Variants in NCALD observed in about 807,000 individuals in gnomAD.
NCALD encodes neurocalcin delta, also known as neurocalcin-delta.
Under a neutral mutation model 18.6 loss-of-function variants are expected in NCALD, and 10 were observed. That is an observed-to-expected ratio of 0.54 (90% CI 0.33 to 0.91). The LOEUF (loss-of-function observed/expected upper bound fraction) is 0.91. Among genes scored for constraint, NCALD ranks in the 40% least tolerant of loss-of-function variants. NCALD has a pLI of 0.03. For synonymous variants in NCALD, 88 were observed against 87.4 expected (o/e 1.01, Z -0.04); for missense variants, 184 against 247.6 (o/e 0.74, Z 1.72).
intron 2 of NCALD, chr8:102,020,171 T>C (rs1389831289): frequency 6.6e-6 from 1 of 152,168 alleles, no homozygotes; most frequent in Non-Finnish European, 1.5e-5. Flanking sequence ...GGCTTATGTA[T>C]GTCTTAGGGA....
rs1815199078 is a variant in NCALD, at chr8:101,700,257, T to C, written c.379-7361A>G. 2.6e-5 allele frequency among the ~76,000 whole-genome samples: 4 copies of C among 151,964 alleles called. 1 individual carries two copies. In the South Asian group the frequency reaches 8.3e-4, roughly 32 times the overall value. On this transcript the variant is annotated intron_variant, in intron 2 of 3. Coordinates refer to ENST00000220931, the MANE Select transcript of NCALD (RefSeq NM_032041.3). Reference sequence around the variant, plus strand: ...TTAAAAAATATTTGTAGAGATGGGGTTTCTCTATGTTGCCCAAGCTGGTCT... The same window carrying C: ...TTAAAAAATATTTGTAGAGATGGGGCTTCTCTATGTTGCCCAAGCTGGTCT...
At chr8:102,093,994 G>A (rs900001193) in intron 1 of NCALD, among the ~76,000 whole-genome samples, 2 of 152,030 alleles carry the variant, frequency 1.3e-5, no homozygotes, top group Non-Finnish European at 2.9e-5. Context: ...CATCCCTAAG[G>A]CAATTATTTA....
At chr8:101,724,561 G>C (rs1224052272) in intron 1 of NCALD, among the ~76,000 whole-genome samples, 1 of 152,184 alleles carries the variant, frequency 6.6e-6, no homozygotes, top group East Asian at 1.9e-4. Context: ...TTCCATGTGA[G>C]AGTTAAATGA....
At chr8:102,032,932 C>T (rs147749034) in intron 1 of NCALD, among the ~76,000 whole-genome samples, 107 of 152,240 alleles carry the variant, frequency 7.0e-4, no homozygotes, top group Non-Finnish European at 1.1e-3. Context: ...GTTCACCCTG[C>T]GAACAGCAGG....
intron 1 of NCALD, among the ~76,000 whole-genome samples, chr8:102,118,993 ACCAC>A (rs995150016): frequency 6.6e-6 from 1 of 152,224 alleles, no homozygotes; most frequent in African/African-American, 2.4e-5. Flanking sequence ...GTTAAATGGT[ACCAC>A]CGTGGAAAAC....
At chr8:101,969,147 A>G (rs991762929) in intron 2 of NCALD, among the ~76,000 whole-genome samples, 1 of 152,220 alleles carries the variant, frequency 6.6e-6, no homozygotes, top group African/African-American at 2.4e-5. Flanking sequence ...CTGGTGACAT[A>G]CAGAACCATT....
At chr8:102,046,780 A>C (rs1039603393) in intron 1 of NCALD, among the ~76,000 whole-genome samples, 1 of 150,270 alleles carries the variant, frequency 6.7e-6, no homozygotes, top group Non-Finnish European at 1.5e-5. Context: ...TGCCTGGCTC[A>C]CAATGAGTTT....
chr8:102,085,139 T>C (rs921386953), intron 1 of NCALD, among the ~76,000 whole-genome samples: 3 of 152,136 alleles, frequency 2.0e-5, no homozygotes, highest in Non-Finnish European at 4.4e-5. Flanking sequence ...TAACTTGGGG[T>C]GTCTCAACCT....
At chr8:101,778,345 T>C (rs1811878119) in intron 1 of NCALD, among the ~76,000 whole-genome samples, 1 of 152,140 alleles carries the variant, frequency 6.6e-6, no homozygotes, top group Non-Finnish European at 1.5e-5. Context: ...CCTTCATTTA[T>C]AAATATGATT....
intron 3 of NCALD, among the ~76,000 whole-genome samples, chr8:101,900,270 G>C (rs1008987295): frequency 6.6e-6 from 1 of 151,584 alleles, no homozygotes; most frequent in Non-Finnish European, 1.5e-5. Flanking sequence ...TGTTGCTGAA[G>C]GTTTATCAAT....
At position 101,912,152 on chromosome 8, in the gene NCALD, T is replaced by C. The variant is rs572472196; in HGVS notation, c.-107+3657A>G. On this transcript the variant is annotated intron_variant, in intron 3 of 6. Coordinates refer to the NCALD transcript ENST00000311028. ...TTAGTGAAAATAAATATTGAATACA[T>C]TTAAAATATAAAATTTACAAACATC... Among the ~76,000 whole-genome samples, 5 of 152,064 alleles carry C rather than the reference T, an allele frequency of 3.3e-5. No individual in the cohort carries two copies. In the South Asian group the frequency reaches 8.3e-4, roughly 25 times the overall value.
chr8:101,829,974 GTT>G (rs35295834), intron 4 of NCALD, among the ~76,000 whole-genome samples: 47 of 116,142 alleles, frequency 4.0e-4, no homozygotes, highest in African/African-American at 9.9e-4. Context: ...AGTCACATGG[GTT>G]TTTTTTTTTT....
chr8:101,721,675 A>T (rs189469002), intron 1 of NCALD, among the ~76,000 whole-genome samples: 50 of 152,174 alleles, frequency 3.3e-4, no homozygotes, highest in Non-Finnish European at 1.5e-4. Flanking sequence ...GGTTCAGATA[A>T]TGACCAGCAA....
chr8:101,914,667 CT>C (rs1563891949), intron 3 of NCALD, among the ~76,000 whole-genome samples: 1 of 152,116 alleles, frequency 6.6e-6, no homozygotes, highest in African/African-American at 2.4e-5. Context: ...TTCTAACTTC[CT>C]TTCTTTGCTC....
In NCALD at chr8:101,983,654, T is replaced by C. The variant is rs369334963; in HGVS notation, c.-157+36583A>G. On this transcript the variant is annotated intron_variant, in intron 2 of 6. Transcript: ENST00000311028. ...GCTCCTTCAAATCCACTCCCTACCC[T>C]TCTCCACACTGCTCTGTACCCCAGA... is the stretch of plus-strand genomic sequence containing the variant. Among the ~76,000 whole-genome samples the C allele has an allele frequency of 3.3e-5, 5 of 152,332 alleles. No homozygotes were observed. The East Asian group carries it at 7.7e-4, about 23-fold the overall frequency.
chr8:101,800,292 C>T (rs1812790908), intron 4 of NCALD, among the ~76,000 whole-genome samples: 1 of 152,106 alleles, frequency 6.6e-6, no homozygotes, highest in Admixed American at 6.6e-5. Context: ...TGTCCTAGGA[C>T]TCTTGCATTC....
chr8:101,700,217 C>T (rs1006381761), intron 2 of NCALD, among the ~76,000 whole-genome samples: 5 of 151,962 alleles, frequency 3.3e-5, no homozygotes, highest in Non-Finnish European at 5.9e-5. Flanking sequence ...TGCACCACCA[C>T]GCCCAGTTAA....
intron 4 of NCALD, among the ~76,000 whole-genome samples, chr8:101,798,792 C>T (rs970529481): frequency 6.6e-6 from 1 of 152,188 alleles, no homozygotes; most frequent in Non-Finnish European, 1.5e-5. Flanking sequence ...CTGTGGGATA[C>T]TGGCATAGGG....
At chr8:101,931,920 A>G (rs1195473824) in intron 2 of NCALD, among the ~76,000 whole-genome samples, 1 of 152,008 alleles carries the variant, frequency 6.6e-6, no homozygotes, top group Non-Finnish European at 1.5e-5. Flanking sequence ...TTAGGAGCCC[A>G]TATCTGTCTT....
Sources: allele counts gnomAD v4.1 joint callset (sites outside exome capture counted in the v4.1 genomes callset), GRCh38; gene constraint gnomAD v4.1.1; transcripts MANE v1.5; gene names NCBI Gene and HGNC (gene_info 2026-07-23, HGNC 2026-07-21).